The following AFAP1 variants were observed in gnomAD, a reference collection of about 807,000 sequenced individuals.
AFAP1 encodes the protein actin filament associated protein 1.
AFAP1 carries 75 observed loss-of-function variants against 93.9 expected under a neutral mutation model. The ratio of observed to expected loss-of-function variants is 0.80; its 90% confidence interval spans 0.66 to 0.97. The LOEUF (loss-of-function observed/expected upper bound fraction) is 0.97, where lower values mean the gene tolerates loss of function less well. Among genes scored for constraint, AFAP1 ranks in the 50% least tolerant of loss-of-function variants. AFAP1 has a pLI of 0.00. For synonymous variants in AFAP1, 517 were observed against 430.7 expected, an observed-to-expected ratio of 1.20 and a Z score of -2.48; for missense variants, 1,201 against 1,050.8, an observed-to-expected ratio of 1.14 and a Z score of -1.98.
At position 7,760,263 on chromosome 4, in the gene AFAP1, G is replaced by A. The variant is rs1258340369; in HGVS notation, c.*3502C>T. ...GGGTAGTTTTTGTCTATTTAGAAAT[G>A]GCCAGTAATAATTCTGGGATGAGTA... On this transcript the variant is annotated 3_prime_UTR_variant, in exon 18 of 18. Coordinates refer to ENST00000420658, the MANE Select transcript of AFAP1 (RefSeq NM_001134647.2). 6.6e-6 allele frequency: 1 copy of A among 152,360 alleles called. No homozygotes were observed. The highest frequency in any genetic ancestry group is 3.4e-3 in the Middle Eastern group (1 of 294). 9.4% of individuals were successfully genotyped at this position (152,360 alleles called of 1,614,324 possible).
chr4:7,922,208 T>A (rs941808577), intron 1 of AFAP1, among the ~76,000 whole-genome samples: 60 of 152,364 alleles, frequency 3.9e-4, no homozygotes, highest in African/African-American at 1.4e-3. Flanking sequence ...TGTTGCTCCA[T>A]CGCTCATATT....
At chr4:7,798,923 T>G (rs1297391849) in intron 10 of AFAP1, 1 of 986,980 alleles carries the variant, frequency 1.0e-6, no homozygotes, top group African/African-American at 1.7e-5. Context: ...TGCCTCCTTC[T>G]CCTTGCAACC....
chr4:7,895,875 T>TTA (rs1405493292), intron 1 of AFAP1, among the ~76,000 whole-genome samples: 3 of 150,458 alleles, frequency 2.0e-5, no homozygotes, highest in Non-Finnish European at 4.4e-5. Flanking sequence ...TTTTTTTTTT[T>TTA]AAGACGGGAG....
intron 2 of AFAP1, among the ~76,000 whole-genome samples, chr4:7,869,850 A>T (rs1449355746): frequency 2.4e-4 from 1 of 4,240 alleles, no homozygotes; most frequent in Non-Finnish European, 4.1e-3. Context: ...GATAAATGAC[A>T]CACACACACA....
intron 11 of AFAP1, among the ~76,000 whole-genome samples, chr4:7,791,689 CAA>C (rs200864466): frequency 1.4e-4 from 19 of 139,308 alleles, no homozygotes; most frequent in Admixed American, 2.8e-4. Flanking sequence ...CCGTCTCTAC[CAA>C]AAAAAAAAAA....
At chr4:7,781,883 A>T (rs751146366) in intron 12 of AFAP1, among the ~76,000 whole-genome samples, 44 of 151,770 alleles carry the variant, frequency 2.9e-4, no homozygotes, top group South Asian at 1.5e-3. Flanking sequence ...TATGGAAAAA[A>T]TTTTTTTTTC....
At chr4:7,827,171 C>T (rs1322850319) in intron 6 of AFAP1, among the ~76,000 whole-genome samples, 1 of 152,026 alleles carries the variant, frequency 6.6e-6, no homozygotes, top group African/African-American at 2.4e-5. Flanking sequence ...TAAATAGAAG[C>T]GTCCACCCAA....
intron 1 of AFAP1, among the ~76,000 whole-genome samples, chr4:7,875,931 G>A (rs1717476751): frequency 6.6e-6 from 1 of 152,114 alleles, no homozygotes; most frequent in Non-Finnish European, 1.5e-5. Flanking sequence ...GTGGTGGGGA[G>A]AATGTAGGGT....
Position 7,809,814 on chromosome 4 carries a change from T to C in AFAP1, c.905-51A>G, listed in dbSNP as rs368567948. On this transcript the variant is annotated intron_variant, in intron 8 of 17. Coordinates refer to ENST00000420658, the MANE Select transcript of AFAP1 (RefSeq NM_001134647.2). ...AGCATGTTTTAATTGTAGATATTAA[T>C]TGAAAAAAAAAACATACATCAAAAC... The C allele has an allele frequency of 8.9e-6, 14 of 1,566,396 alleles. 1 individual carries two copies. The highest frequency in any genetic ancestry group is 1.7e-4 in the Middle Eastern group (1 of 5,778).
intron 1 of AFAP1, among the ~76,000 whole-genome samples, chr4:7,896,411 T>A (rs1184684992): frequency 1.3e-5 from 2 of 151,970 alleles, no homozygotes; most frequent in Non-Finnish European, 2.9e-5. Flanking sequence ...CTGATCACTC[T>A]CGACTTCCTT....
rs528992903 is a variant in AFAP1 at position 7,939,496 on chromosome 4, G to C, written c.-3+160C>G. On this transcript the variant is annotated intron_variant, in intron 1 of 17. Transcript: ENST00000420658. The surrounding 1 kb of genome is among the most constrained non-coding windows in gnomAD (Gnocchi z 5.6). ...CCGGGACCCCCGCGCGGGCCCACGC[G>C]GCGTCGCAGCAGGCGCGGAGCCCCC... 9.4e-6 allele frequency: 3 copies of C among 317,936 alleles called. No individual in the cohort carries two copies. Among genetic ancestry groups the C allele is most frequent in the African/African-American group, 7.0e-5 (3 of 43,118 alleles). 19.7% of individuals were successfully genotyped at this position (317,936 alleles called of 1,614,324 possible). A position where few individuals can be genotyped will look rare whatever the true frequency, so the allele number is the denominator to read the frequency against.
chr4:7,919,869 C>G (rs185551931), intron 1 of AFAP1, among the ~76,000 whole-genome samples: 405 of 152,006 alleles, frequency 2.7e-3, no homozygotes, highest in African/African-American at 8.6e-3. Flanking sequence ...TTGTTCAGCT[C>G]CCACTTATAA....
chr4:7,939,677 G>A lies in AFAP1; in HGVS notation c.-24C>T. ...TCACCTCAGGCCGCCACCTCGCAGC[G>A]CTCGCTCCTCGCCGCGGCGCCTGGG... On this transcript the variant is annotated 5_prime_UTR_variant, in exon 1 of 18. Coordinates refer to ENST00000420658, the MANE Select transcript of AFAP1 (RefSeq NM_001134647.2). This position sits in a 1 kb window ranked among gnomAD's most constrained non-coding sequence, Gnocchi z 5.6. 1 of 416,992 alleles carries A rather than the reference G, an allele frequency of 2.4e-6. No individual in the cohort carries two copies. Among genetic ancestry groups the A allele is most frequent in the South Asian group, 1.6e-5 (1 of 60,954 alleles). 25.8% of individuals were successfully genotyped at this position (416,992 alleles called of 1,614,324 possible).
At chr4:7,935,992 C>G (rs1328489772) in intron 1 of AFAP1, among the ~76,000 whole-genome samples, 1 of 152,128 alleles carries the variant, frequency 6.6e-6, no homozygotes, top group African/African-American at 2.4e-5. Context: ...AAAATCTGGT[C>G]GCGTTTTGAA....
In AFAP1 at chr4:7,762,844, CAG is replaced by C. The variant is rs776858284; in HGVS notation, c.*919_*920del. On this transcript the variant is annotated 3_prime_UTR_variant, in exon 18 of 18. Transcript: ENST00000420658. Reference sequence around the variant, plus strand: ...AAAGGACTGCCCTGGCCCCAAGCAGCAGTAAACGTCCTGTACAGCGGCGAGGA... The same window carrying C: ...AAAGGACTGCCCTGGCCCCAAGCAGCTAAACGTCCTGTACAGCGGCGAGGA... 2 of 152,242 alleles carry C rather than the reference CAG, an allele frequency of 1.3e-5. No individual in the cohort carries two copies. Among genetic ancestry groups the C allele is most frequent in the East Asian group, 3.9e-4 (2 of 5,176 alleles). The allele number at this position is 152,242 out of a possible 1,614,324, so 9.4% of individuals were successfully genotyped here.
intron 15 of AFAP1, chr4:7,774,465 C>T (rs527393639): frequency 1.3e-4 from 57 of 436,000 alleles, no homozygotes; most frequent in Admixed American, 8.0e-4. Context: ...CGCCAGAAGC[C>T]GGAACAGGTC....
intron 3 of AFAP1, among the ~76,000 whole-genome samples, chr4:7,863,893 T>G (rs1399898264): frequency 1.9e-5 from 2 of 103,832 alleles, no homozygotes. Context: ...AGAACCTAGC[T>G]GAAGTAAATT....
intron 1 of AFAP1, among the ~76,000 whole-genome samples, chr4:7,899,934 G>A (rs898617604): frequency 6.7e-6 from 1 of 150,202 alleles, no homozygotes; most frequent in Non-Finnish European, 1.5e-5. Flanking sequence ...GTGTATCAGT[G>A]ACTAACACCT....
intron 1 of AFAP1, among the ~76,000 whole-genome samples, chr4:7,905,194 G>A (rs1394393754): frequency 6.6e-6 from 1 of 152,210 alleles, no homozygotes; most frequent in Non-Finnish European, 1.5e-5. Context: ...AGAGCAAGAT[G>A]CATACATGTG....
Sources: allele counts gnomAD v4.1 joint callset (sites outside exome capture counted in the v4.1 genomes callset), GRCh38; gene constraint gnomAD v4.1.1; non-coding constraint Gnocchi (gnomAD v3.1); transcripts MANE v1.5; gene names NCBI Gene and HGNC (gene_info 2026-07-23, HGNC 2026-07-21).